POLE: variants seen among roughly 807,000 people sequenced by gnomAD.
The protein encoded by POLE is DNA polymerase epsilon, catalytic subunit.
In POLE, 188 loss-of-function variants were observed where a neutral mutation model predicts 279.2. That is an observed-to-expected ratio of 0.67 (90% CI 0.60 to 0.76). The LOEUF (loss-of-function observed/expected upper bound fraction) is 0.76, where lower values mean the gene tolerates loss of function less well. POLE is among the 30% of genes least tolerant of loss of function. POLE has a pLI of 0.00. For synonymous variants in POLE, 1,214 were observed against 1,172.5 expected (o/e 1.04, Z -0.72); for missense variants, 2,703 against 3,016.7 (o/e 0.90, Z 2.44).
In POLE at chr12:132,625,708, G is replaced by A. The variant is rs998457737; in HGVS notation, c.6594C>T (p.Ala2198=). ...GAACTTCCACCAGCGTCATCTCGAT[G>A]GCAGAGGAGTCGTAGGGCGCCTGAC... The part of the protein sequence containing the change: ...SNCQAPYDSS[A]IEMTLVEVLQ... The change falls in exon 47 of 49, where the codon GCC becomes GCT. Residue 2198 remains alanine, a synonymous_variant. Transcript: ENST00000320574. The A allele has an allele frequency of 5.0e-6, 8 of 1,613,712 alleles. No homozygotes were observed. The East Asian group carries it at 1.8e-4, about 36-fold the overall frequency.
chr12:132,636,666 A>C (rs1275674302), intron 41 of POLE, among the ~76,000 whole-genome samples: 1 of 152,088 alleles, frequency 6.6e-6, no homozygotes. Context: ...TGAGGTGGGC[A>C]GATAGCTTGA....
intron 1 of POLE, among the ~76,000 whole-genome samples, chr12:132,682,334 A>G (rs2043188621): frequency 7.0e-6 from 1 of 143,348 alleles, no homozygotes; most frequent in Non-Finnish European, 1.5e-5. Flanking sequence ...AAATAAATAA[A>G]TTAGCTGGGT....
At chr12:132,686,049 A>G (rs2136047202) in intron 1 of POLE, among the ~76,000 whole-genome samples, 1 of 151,546 alleles carries the variant, frequency 6.6e-6, no homozygotes, top group Admixed American at 6.6e-5. Context: ...CTAATTTTGT[A>G]TTTTTTTAGT....
At chr12:132,680,291 T>A in intron 3 of POLE, 69 bp from the exon 4 acceptor site, 2 of 1,416,364 alleles carry the variant, frequency 1.4e-6, no homozygotes, top group Non-Finnish European at 2.0e-6. Context: ...TGAAAACACA[T>A]TGCTTGCTCC....
Position 132,668,725 on chromosome 12 carries a change from C to A in POLE, c.1936G>T (p.Val646Leu). Residue 646 changes from valine to leucine, a missense_variant, in exon 18 of 49, where the codon GTG (valine) becomes TTG (leucine). Transcript: ENST00000320574. This position sits in a 1 kb window ranked among gnomAD's most constrained non-coding sequence, Gnocchi z 4.0. ...LTNRLQPSAM[V>L]DEATCAACDF... is the part of the protein sequence containing the mutation. ...CAGGCAGCACAGGTGGCTTCGTCCA[C>A]CATGGCAGAGGGCTGGGAGGGGTGA... is the stretch of plus-strand genomic sequence containing the variant. 1 of 1,614,058 alleles carries A rather than the reference C, an allele frequency of 6.2e-7. No homozygotes were observed. The highest frequency in any genetic ancestry group is 8.5e-7 in the Non-Finnish European group (1 of 1,179,920).
intron 6 of POLE, among the ~76,000 whole-genome samples, chr12:132,679,286 C>A (rs937457339): frequency 2.0e-5 from 3 of 152,140 alleles, no homozygotes; most frequent in Non-Finnish European, 4.4e-5. Context: ...ACCCACCCCT[C>A]CATTGGAAAA....
rs1167117347 is a variant in POLE at position 132,658,881 on chromosome 12, C to CAAAAA, written c.3275+409_3275+413dup. Among the ~76,000 whole-genome samples the CAAAAA allele has an allele frequency of 6.5e-3, 220 of 33,826 alleles. 43 individuals carry two copies. The highest frequency in any genetic ancestry group is 0.053 in the Middle Eastern group (2 of 38). 22.2% of individuals were successfully genotyped at this position (33,826 alleles called of 152,430 possible). On this transcript the variant is annotated intron_variant, in intron 26 of 48. Coordinates refer to ENST00000320574, the MANE Select transcript of POLE (RefSeq NM_006231.4). ...ACTGGTCCTATTTGTATATAACCAC[C>CAAAAA]AAAAAAAAAAAAAAAAAAAAAAAAA...
At chr12:132,671,864 A>C (rs1391334368) in intron 16 of POLE, among the ~76,000 whole-genome samples, 1 of 152,158 alleles carries the variant, frequency 6.6e-6, no homozygotes, top group Non-Finnish European at 1.5e-5. Context: ...TGTCATTTTT[A>C]AGTCTCAACA....
intron 1 of POLE, among the ~76,000 whole-genome samples, chr12:132,682,538 T>C (rs1355065633): frequency 1.3e-5 from 2 of 152,110 alleles, no homozygotes; most frequent in African/African-American, 2.4e-5. Flanking sequence ...GTCGTCTCAA[T>C]GTCAATTTCT....
chr12:132,643,079 G>A (rs1308843308), intron 35 of POLE, 83 bp from the exon 36 acceptor site: 11 of 1,478,206 alleles, frequency 7.4e-6, no homozygotes, highest in Admixed American at 6.4e-5. Flanking sequence ...CCACTGCCAC[G>A]GCACTGCCAA....
chr12:132,638,303 G>T, intron 40 of POLE, 164 bp from the exon 41 acceptor site: 1 of 456,854 alleles, frequency 2.2e-6, no homozygotes, highest in Non-Finnish European at 3.6e-6. Context: ...TTTCTGCATG[G>T]CAAAAATCCA....
In POLE at chr12:132,652,496, AT is replaced by A. The variant is rs957816917; in HGVS notation, c.3583-2608del. On this transcript the variant is annotated intron_variant, in intron 29 of 48. Coordinates refer to ENST00000320574, the MANE Select transcript of POLE (RefSeq NM_006231.4). ...ACAACCATGCCTAATGTTGTGCCGGATTTTTTTTGTAGAGACGAGACCTCCC... is the reference window on the plus strand; with the variant it reads ...ACAACCATGCCTAATGTTGTGCCGGATTTTTTTGTAGAGACGAGACCTCCC... Among the ~76,000 whole-genome samples, 8 of 150,832 alleles carry A rather than the reference AT, an allele frequency of 5.3e-5. No homozygotes were observed. The South Asian group carries it at 8.4e-4, about 16-fold the overall frequency.
chr12:132,640,214 C>T (rs1593724378), intron 39 of POLE, among the ~76,000 whole-genome samples: 1 of 152,178 alleles, frequency 6.6e-6, no homozygotes. Flanking sequence ...CTTGCAGGAC[C>T]CAGGGATGGA....
rs1424026125 is a variant in POLE, at chr12:132,668,483, T to C, written c.2046A>G (p.Glu682=). ...RGEFMPASRS[E]YHRIQHQLES... Reference sequence around the variant, plus strand: ...CCAGCTGGTGCTGGATCCGATGGTATTCGCTGCGACTGGCTGGCACTGGGA... The same window carrying C: ...CCAGCTGGTGCTGGATCCGATGGTACTCGCTGCGACTGGCTGGCACTGGGA... Residue 682 remains glutamate, a synonymous_variant, in exon 19 of 49, where the codon GAA becomes GAG. Transcript: ENST00000320574. The surrounding 1 kb of genome is among the most constrained non-coding windows in gnomAD (Gnocchi z 4.0). 2 of 1,602,192 alleles carry C rather than the reference T, an allele frequency of 1.2e-6. No individual in the cohort carries two copies. The highest frequency in any genetic ancestry group is 1.1e-5 in the South Asian group (1 of 89,376).
intron 15 of POLE, 138 bp from the exon 16 acceptor site, chr12:132,672,460 C>A: frequency 2.0e-6 from 2 of 1,014,928 alleles, no homozygotes; most frequent in African/African-American, 1.6e-5. Context: ...ATCTGCAGTG[C>A]ACTGCCCTAA....
intron 1 of POLE, among the ~76,000 whole-genome samples, chr12:132,686,755 G>A (rs1266079819): frequency 6.6e-6 from 1 of 152,054 alleles, no homozygotes; most frequent in East Asian, 1.9e-4. Flanking sequence ...AAACAGAGGA[G>A]ACGAGGTCTC....
Position 132,625,628 on chromosome 12 carries a change from C to T in POLE, c.6657+17G>A, listed in dbSNP as rs778679250. On this transcript the variant is annotated intron_variant, in intron 47 of 48. Coordinates refer to ENST00000320574, the MANE Select transcript of POLE (RefSeq NM_006231.4). ...GTGGACTCCAGGGCACACGGGCAGGCGGCATGCACGACTCACCAGGTCCTG... is the reference window on the plus strand; with the variant it reads ...GTGGACTCCAGGGCACACGGGCAGGTGGCATGCACGACTCACCAGGTCCTG... 9 of 1,612,082 alleles carry T rather than the reference C, an allele frequency of 5.6e-6. No homozygotes were observed. The highest frequency in any genetic ancestry group is 2.2e-5 in the East Asian group (1 of 44,888).
chr12:132,632,752 C>A lies in POLE; in HGVS notation c.6048G>T (p.Arg2016Ser), dbSNP rs1290140331. 6.2e-7 allele frequency: 1 copy of A among 1,612,798 alleles called. No individual in the cohort carries two copies. The highest frequency in any genetic ancestry group is 1.7e-5 in the Admixed American group (1 of 60,006). The change falls in exon 44 of 49, where the codon AGG (arginine) becomes AGT (serine). Residue 2016 changes from arginine (R) to serine (S), a missense_variant. Physicochemically the swap from Arg to Ser is moderately radical, Grantham distance 110. Around this residue, in one of 5 missense-constraint regions of POLE, gnomAD observed 1,551 missense variants for 1,686.1 expected, o/e 0.92. Transcript: ENST00000320574. ...CGGGGGTGCTCCCTGGAGCACTGCG[C>A]CTCAGCCCGTCCTTCATGCAGTGGT... ...AVYHCMKDGL[R>S]RSAPGSTPVR... is the part of the protein sequence containing the mutation.
At chr12:132,665,004 A>T (rs1030793529) in intron 21 of POLE, among the ~76,000 whole-genome samples, 1 of 151,784 alleles carries the variant, frequency 6.6e-6, no homozygotes, top group Admixed American at 6.6e-5. Flanking sequence ...CTGAGTGAGG[A>T]TCCACGCTGG....
Sources: gnomAD v4.1 joint callset for allele counts (sites outside exome capture counted in the v4.1 genomes callset) on GRCh38, gnomAD v4.1.1 for gene constraint, gnomAD v4.1.1 regional missense constraint, Gnocchi (gnomAD v3.1) non-coding constraint, MANE v1.5 for transcripts, NCBI Gene and HGNC (gene_info 2026-07-23, HGNC 2026-07-21) for gene names.